CLUL1: variants seen among roughly 807,000 people sequenced by gnomAD.
The protein encoded by CLUL1 is clusterin like 1.
CLUL1 carries 43 observed loss-of-function variants against 49.4 expected under a neutral mutation model. The ratio of observed to expected loss-of-function variants is 0.87; its 90% CI spans 0.68 to 1.12. The LOEUF is 1.12. CLUL1 is among the 50% of genes most tolerant of loss of function. The pLI is 0.00. For synonymous variants in CLUL1, 192 were observed against 184.9 expected (o/e 1.04, Z -0.31); for missense variants, 486 against 544.4 (o/e 0.89, Z 1.07).
chr18:611,874 G>T (rs60957388), intron 2 of CLUL1, among the ~76,000 whole-genome samples: 21,547 of 152,070 alleles, frequency 0.14, 1,938 homozygotes, highest in East Asian at 0.38. Flanking sequence ...GGTTCCTGGA[G>T]CATGAGCAAA....
chr18:636,818 G>A (rs576808543), intron 7 of CLUL1, among the ~76,000 whole-genome samples: 29 of 151,218 alleles, frequency 1.9e-4, no homozygotes, highest in African/African-American at 7.0e-4. Flanking sequence ...GTAGAGATGG[G>A]GTTTCACCAT....
Position 641,350 on chromosome 18 carries a change from C to T in CLUL1, c.1018C>T (p.His340Tyr), listed in dbSNP as rs781671093. 1.2e-6 allele frequency: 2 copies of T among 1,614,168 alleles called. No individual in the cohort carries two copies. The highest frequency in any genetic ancestry group is 1.7e-5 in the Admixed American group (1 of 60,024). ...SEDCPDVPAL[H>Y]TELDEAIRLV... Reference sequence around the variant, plus strand: ...AGACTGTCCTGATGTACCTGCTCTGCACACAGAATTAGACGAGGCGATCAG... The same window carrying T: ...AGACTGTCCTGATGTACCTGCTCTGTACACAGAATTAGACGAGGCGATCAG... Residue 340 changes from histidine to tyrosine, a missense_variant, in exon 8 of 10, where the codon CAC becomes TAC. Transcript: ENST00000692774.
At chr18:625,480 C>T (rs766070061) in intron 5 of CLUL1, among the ~76,000 whole-genome samples, 1 of 150,396 alleles carries the variant, frequency 6.6e-6, no homozygotes, top group Non-Finnish European at 1.5e-5. Context: ...TCTCTGCCTC[C>T]CAAATCTTAC....
intron 4 of CLUL1, among the ~76,000 whole-genome samples, chr18:620,878 T>A (rs1191976525): frequency 6.6e-6 from 1 of 152,194 alleles, no homozygotes; most frequent in East Asian, 1.9e-4. Flanking sequence ...TTAAAAAAGG[T>A]TATCTTCAAA....
chr18:599,962 AT>A (rs1481552270), intron 1 of CLUL1, among the ~76,000 whole-genome samples: 3 of 151,570 alleles, frequency 2.0e-5, no homozygotes, highest in Non-Finnish European at 2.9e-5. Context: ...AAAAAAAAAA[AT>A]TAATAATAAT....
chr18:644,315 A>G (rs1235312827), intron 8 of CLUL1, among the ~76,000 whole-genome samples: 4 of 152,270 alleles, frequency 2.6e-5, no homozygotes, highest in Admixed American at 6.5e-5. Context: ...ATTCATTAAG[A>G]GAGTAACATA....
At chr18:619,388 T>G in intron 4 of CLUL1, 27 bp downstream of exon 4, 1 of 1,595,008 alleles carries the variant, frequency 6.3e-7, no homozygotes, top group African/African-American at 1.3e-5. Flanking sequence ...TAATGTCTGT[T>G]CTTACACAGA....
At chr18:626,791 G>A (rs1350577904) in intron 5 of CLUL1, among the ~76,000 whole-genome samples, 1 of 148,234 alleles carries the variant, frequency 6.7e-6, no homozygotes, top group Non-Finnish European at 1.5e-5. Flanking sequence ...AACCCAGGAG[G>A]CGGAGGTTGC....
chr18:637,251 C>T (rs965755681), intron 7 of CLUL1, among the ~76,000 whole-genome samples: 1 of 151,886 alleles, frequency 6.6e-6, no homozygotes, highest in Non-Finnish European at 1.5e-5. Flanking sequence ...CTCCCAAAGT[C>T]CTGGGATTAC....
At chr18:635,976 C>T (rs2144136147) in intron 7 of CLUL1, among the ~76,000 whole-genome samples, 1 of 152,186 alleles carries the variant, frequency 6.6e-6, no homozygotes, top group South Asian at 2.1e-4. Flanking sequence ...ACCTCGTGAT[C>T]CTCCCACCTC....
chr18:598,253 T>C (rs2072714526), intron 1 of CLUL1: 1 of 298,918 alleles, frequency 3.3e-6, no homozygotes, highest in South Asian at 1.6e-4. Context: ...GGGAAATGAA[T>C]GCATAGAAGA....
chr18:630,967 G>C (rs2073979608), intron 6 of CLUL1, among the ~76,000 whole-genome samples: 1 of 151,864 alleles, frequency 6.6e-6, no homozygotes, highest in East Asian at 1.9e-4. Context: ...GCTGTTTCAA[G>C]CCACTGAATC....
At chr18:620,863 C>A (rs1598421298) in intron 4 of CLUL1, among the ~76,000 whole-genome samples, 1 of 152,096 alleles carries the variant, frequency 6.6e-6, no homozygotes, top group Admixed American at 6.5e-5. Flanking sequence ...AAAACAATGA[C>A]TTTTTTAAAA....
chr18:640,140 C>G (rs1475539692), intron 7 of CLUL1, among the ~76,000 whole-genome samples: 1 of 152,140 alleles, frequency 6.6e-6, no homozygotes, highest in Non-Finnish European at 1.5e-5. Flanking sequence ...CAAAGGATCT[C>G]TTCCCTAGAC....
At chr18:626,864 TAAG>T (rs1567966237) in intron 5 of CLUL1, among the ~76,000 whole-genome samples, 1,177 of 70,754 alleles carry the variant, frequency 0.017, 22 homozygotes, top group Admixed American at 0.04. Context: ...CCATCTCAAA[TAAG>T]AAAGAAAGAA....
chr18:609,823 C>CA (rs10550407), intron 2 of CLUL1, among the ~76,000 whole-genome samples: 34 of 100,674 alleles, frequency 3.4e-4, no homozygotes, highest in African/African-American at 7.4e-4. Context: ...GACTCTGTCT[C>CA]AAAAAAAAAA....
Position 645,809 on chromosome 18 carries a change from AAATATATATATATATATAT to A in CLUL1, c.1397+714_1397+732del, listed in dbSNP as rs1469636548. ...ACTCTGTTTAAAAAAAAAAAAAAAA[AAATATATATATATATATAT>A]ATATATATATATATATATATATATG... On this transcript the variant is annotated intron_variant, in intron 9 of 9. Coordinates refer to ENST00000692774, the MANE Select transcript of CLUL1 (RefSeq NM_001393344.1). Among the ~76,000 whole-genome samples, 14 of 70,476 alleles carry A rather than the reference AAATATATATATATATATAT, an allele frequency of 2.0e-4. 2 individuals carry two copies. Among genetic ancestry groups the A allele is most frequent in the African/African-American group, 4.5e-4 (7 of 15,492 alleles). 46.2% of individuals were successfully genotyped at this position (70,476 alleles called of 152,430 possible).
chr18:649,326 T>G (rs1354255040), intron 9 of CLUL1, among the ~76,000 whole-genome samples: 1 of 152,148 alleles, frequency 6.6e-6, no homozygotes, highest in Non-Finnish European at 1.5e-5. Context: ...AAATATATAT[T>G]TAGAACCCTC....
intron 4 of CLUL1, among the ~76,000 whole-genome samples, chr18:624,045 G>A (rs1252413412): frequency 1.3e-5 from 2 of 152,146 alleles, no homozygotes; most frequent in Admixed American, 1.3e-4. Flanking sequence ...CCAGAGGTTT[G>A]GGCAGGGGCA....
Sources: gnomAD v4.1 joint callset for allele counts (sites outside exome capture counted in the v4.1 genomes callset) on GRCh38, gnomAD v4.1.1 for gene constraint, MANE v1.5 for transcripts, NCBI Gene and HGNC (gene_info 2026-07-23, HGNC 2026-07-21) for gene names.